OGDH: variants seen among roughly 807,000 people sequenced by gnomAD.
OGDH encodes oxoglutarate dehydrogenase, also known as 2-oxoglutarate dehydrogenase complex component E1.
OGDH carries 38 observed loss-of-function variants against 116.6 expected under a neutral mutation model. The ratio of observed to expected loss-of-function variants is 0.33; its 90% CI spans 0.25 to 0.43. OGDH has a LOEUF of 0.43. Among genes scored for constraint, OGDH ranks in the 20% least tolerant of loss-of-function variants. OGDH has a pLI of 1.00. For missense variants in OGDH, 825 were observed against 1,357.2 expected (o/e 0.61, Z 6.16); for synonymous variants, 488 against 533.3 (o/e 0.92, Z 1.17).
chr7:44,616,864 T>TACAC (rs1465417361), intron 1 of OGDH, among the ~76,000 whole-genome samples: 4 of 83,908 alleles, frequency 4.8e-5, no homozygotes, highest in East Asian at 5.5e-4. Context: ...TATACACATA[T>TACAC]ATATATACGT....
intron 10 of OGDH, 58 bp from the exon 11 acceptor site, chr7:44,693,767 C>T: frequency 1.3e-6 from 2 of 1,500,092 alleles, no homozygotes; most frequent in Non-Finnish European, 9.0e-7. Context: ...GCCCCGCCCT[C>T]TGGTCCCTGT....
intron 1 of OGDH, among the ~76,000 whole-genome samples, chr7:44,616,820 T>C (rs1379329312): frequency 1.1e-4 from 15 of 140,944 alleles, no homozygotes; most frequent in African/African-American, 3.3e-4. Flanking sequence ...TATATACGTA[T>C]ATATGTGTAT....
chr7:44,614,379 G>A (rs577322766), intron 1 of OGDH, among the ~76,000 whole-genome samples: 41 of 151,136 alleles, frequency 2.7e-4, no homozygotes, highest in African/African-American at 9.5e-4. Flanking sequence ...CATTTATTTG[G>A]GTTTATTCTT....
intron 4 of OGDH, among the ~76,000 whole-genome samples, chr7:44,651,745 A>G (rs1786454947): frequency 7.1e-6 from 1 of 141,698 alleles, no homozygotes; most frequent in Middle Eastern, 3.4e-3. Context: ...TATTTTTAGT[A>G]GGGACCATGT....
intron 20 of OGDH, among the ~76,000 whole-genome samples, chr7:44,702,034 G>A (rs574912097): frequency 6.7e-6 from 1 of 149,656 alleles, no homozygotes; most frequent in African/African-American, 2.5e-5. Flanking sequence ...TCACGCCATT[G>A]CACTCCAGCC....
intron 1 of OGDH, among the ~76,000 whole-genome samples, chr7:44,614,028 A>G (rs1784671123): frequency 6.7e-6 from 1 of 149,034 alleles, no homozygotes; most frequent in Admixed American, 6.8e-5. Context: ...CTGGTCTGAA[A>G]CTCCCAAACT....
chr7:44,661,221 A>G (rs985746427), intron 4 of OGDH, among the ~76,000 whole-genome samples: 2 of 152,104 alleles, frequency 1.3e-5, no homozygotes, highest in African/African-American at 2.4e-5. Context: ...TGTCTCCAGT[A>G]ATTTTCTTTG....
chr7:44,644,184 A>G (rs941085214), intron 2 of OGDH, among the ~76,000 whole-genome samples: 2 of 152,278 alleles, frequency 1.3e-5, no homozygotes, highest in Non-Finnish European at 2.9e-5. Flanking sequence ...CCTGGGCAAC[A>G]GAGCGAGACT....
intron 10 of OGDH, among the ~76,000 whole-genome samples, chr7:44,684,551 T>C (rs902445871): frequency 7.9e-5 from 12 of 152,282 alleles, no homozygotes; most frequent in African/African-American, 2.2e-4. Flanking sequence ...AATTAGGTAC[T>C]TTATGTATAT....
chr7:44,647,020 CAA>C (rs1322593003), intron 3 of OGDH, among the ~76,000 whole-genome samples: 3 of 152,188 alleles, frequency 2.0e-5, no homozygotes, highest in Non-Finnish European at 4.4e-5. Flanking sequence ...CTCCTAGGCT[CAA>C]GAGATCCTCC....
intron 1 of OGDH, among the ~76,000 whole-genome samples, chr7:44,616,674 T>C (rs1474330342): frequency 6.8e-6 from 1 of 148,036 alleles, no homozygotes; most frequent in Non-Finnish European, 1.5e-5. Flanking sequence ...TATATACGTA[T>C]ATATACACAT....
chr7:44,706,999 A>ACCC (rs1307836656), intron 20 of OGDH, among the ~76,000 whole-genome samples: 3 of 152,138 alleles, frequency 2.0e-5, no homozygotes, highest in Admixed American at 1.3e-4. Context: ...GTTACTTGAT[A>ACCC]CCCAGAGCTG....
chr7:44,679,259 C>T (rs1297176248), intron 9 of OGDH, among the ~76,000 whole-genome samples: 3 of 152,146 alleles, frequency 2.0e-5, no homozygotes, highest in Non-Finnish European at 4.4e-5. Context: ...AACACACTAT[C>T]GGGATCAGGA....
At chr7:44,673,764 C>T in intron 5 of OGDH, 23 bp from the exon 6 acceptor site, 1 of 1,613,106 alleles carries the variant, frequency 6.2e-7, no homozygotes, top group Non-Finnish European at 8.5e-7. Flanking sequence ...ATCCCCTTGA[C>T]TGTGTGTTTC....
chr7:44,673,578 G>C (rs1787563599), intron 5 of OGDH, among the ~76,000 whole-genome samples: 1 of 152,204 alleles, frequency 6.6e-6, no homozygotes, highest in South Asian at 2.1e-4. Context: ...AAGTGACCCA[G>C]GTCCCTGAAG....
In OGDH at chr7:44,624,515, G is replaced by A; in HGVS notation, c.172G>A (p.Val58Met). 6.2e-7 allele frequency: 1 copy of A among 1,614,004 alleles called. No homozygotes were observed. Among genetic ancestry groups the A allele is most frequent in the African/African-American group, 1.3e-5 (1 of 74,978 alleles). ...TCTCAGTGGGACTAGTTCGAACTAT[G>A]TGGAGGAGATGTACTGTGCTTGGCT... The part of the protein sequence containing the change: ...PFLSGTSSNY[V>M]EEMYCAWLEN... The change falls in exon 2 of 23, where the codon GTG (valine) becomes ATG (methionine). Residue 58 changes from valine (V) to methionine (M), a missense_variant. Transcript: ENST00000222673.
At chr7:44,704,296 T>C (rs1788969457) in intron 20 of OGDH, among the ~76,000 whole-genome samples, 1 of 152,218 alleles carries the variant, frequency 6.6e-6, no homozygotes, top group African/African-American at 2.4e-5. Flanking sequence ...ATTTCTGTAA[T>C]GATTAAGTGA....
At chr7:44,638,295 C>T (rs981480062) in intron 2 of OGDH, among the ~76,000 whole-genome samples, 1 of 152,178 alleles carries the variant, frequency 6.6e-6, no homozygotes, top group African/African-American at 2.4e-5. Flanking sequence ...TCAGAAGTCC[C>T]TGTCACCGCC....
At chr7:44,693,762 G>C in intron 10 of OGDH, 63 bp from the exon 11 acceptor site, 1 of 1,467,952 alleles carries the variant, frequency 6.8e-7, no homozygotes, top group Non-Finnish European at 9.2e-7. Context: ...CCTCAGCCCC[G>C]CCCTCTGGTC....
Sources: allele counts gnomAD v4.1 joint callset (sites outside exome capture counted in the v4.1 genomes callset), GRCh38; gene constraint gnomAD v4.1.1; transcripts MANE v1.5; gene names NCBI Gene and HGNC (gene_info 2026-07-23, HGNC 2026-07-21).